Variants in NEGR1 observed in about 807,000 individuals in gnomAD.
NEGR1 encodes the protein neuronal growth regulator 1, also known as IgLON family member 4.
Under a neutral mutation model 40.9 loss-of-function variants are expected in NEGR1, and 10 were observed. The observed-to-expected ratio is 0.24, with a 90% CI of 0.15 to 0.42. The LOEUF (loss-of-function observed/expected upper bound fraction) is 0.42, where lower values mean the gene tolerates loss of function less well. NEGR1 is among the 10% of genes least tolerant of loss of function. The pLI is 1.00. For missense variants in NEGR1, 352 were observed against 438.9 expected, an observed-to-expected ratio of 0.80 and a Z score of 1.77; for synonymous variants, 185 against 166.8, an observed-to-expected ratio of 1.11 and a Z score of -0.84.
At chr1:71,797,701 CT>C (rs1007555697) in intron 2 of NEGR1, among the ~76,000 whole-genome samples, 1 of 151,888 alleles carries the variant, frequency 6.6e-6, no homozygotes, top group Non-Finnish European at 1.5e-5. Context: ...TTCCTGTTTT[CT>C]TTTTTTAAGT....
intron 1 of NEGR1, among the ~76,000 whole-genome samples, chr1:72,233,409 T>C (rs1034198913): frequency 6.6e-6 from 1 of 152,166 alleles, no homozygotes; most frequent in Non-Finnish European, 1.5e-5. Flanking sequence ...GTAGTGAGCA[T>C]AGTACACAAT....
At chr1:71,745,667 C>G (rs12094519) in intron 3 of NEGR1, among the ~76,000 whole-genome samples, 2,982 of 152,246 alleles carry the variant, frequency 0.02, 79 homozygotes, top group African/African-American at 0.068. Context: ...AAAACAATAA[C>G]TCAAAGTGAA....
At chr1:71,630,814 A>G (rs1650947612) in intron 4 of NEGR1, among the ~76,000 whole-genome samples, 1 of 151,966 alleles carries the variant, frequency 6.6e-6, no homozygotes, top group South Asian at 2.1e-4. Context: ...ATTTAGCTAT[A>G]GAAAATATGC....
At chr1:72,001,123 AT>A (rs1231716724) in intron 1 of NEGR1, among the ~76,000 whole-genome samples, 1 of 152,130 alleles carries the variant, frequency 6.6e-6, no homozygotes, top group African/African-American at 2.4e-5. Flanking sequence ...GTTACCAGAA[AT>A]TCGTGATTTA....
chr1:71,437,994 G>C (rs995619015), intron 6 of NEGR1, among the ~76,000 whole-genome samples: 11 of 152,142 alleles, frequency 7.2e-5, no homozygotes, highest in African/African-American at 2.7e-4. Context: ...TTCTCACAGG[G>C]GCTGCATGGT....
intron 4 of NEGR1, among the ~76,000 whole-genome samples, chr1:71,695,632 C>T (rs1032000347): frequency 8.6e-5 from 13 of 151,726 alleles, no homozygotes; most frequent in Admixed American, 1.3e-4. Context: ...TTTGTTAGCC[C>T]GACAGAATGT....
At chr1:72,056,594 AAC>A (rs1647112935) in intron 1 of NEGR1, among the ~76,000 whole-genome samples, 1 of 151,428 alleles carries the variant, frequency 6.6e-6, no homozygotes. Flanking sequence ...TATGAATATC[AAC>A]AGATTCGCAC....
chr1:71,566,779 C>T (rs1648632383), intron 6 of NEGR1, among the ~76,000 whole-genome samples: 1 of 152,064 alleles, frequency 6.6e-6, no homozygotes, highest in African/African-American at 2.4e-5. Context: ...GACTGGGTGG[C>T]TTATAAATAA....
chr1:71,822,505 C>T (rs1195268606), intron 2 of NEGR1, among the ~76,000 whole-genome samples: 1 of 151,922 alleles, frequency 6.6e-6, no homozygotes, highest in Non-Finnish European at 1.5e-5. Flanking sequence ...ACGGCATCAG[C>T]TCCCACTTGT....
chr1:71,800,461 T>G (rs1231758508), intron 2 of NEGR1, among the ~76,000 whole-genome samples: 1 of 152,192 alleles, frequency 6.6e-6, no homozygotes, highest in African/African-American at 2.4e-5. Context: ...GGTTTTCCTC[T>G]AGGGTTTGTA....
At chr1:71,941,621 A>T (rs1329926215) in intron 1 of NEGR1, among the ~76,000 whole-genome samples, 1 of 152,150 alleles carries the variant, frequency 6.6e-6, no homozygotes. Context: ...AACTTCAATT[A>T]TTTAATGAAG....
At chr1:72,004,407 A>G (rs1266788073) in intron 1 of NEGR1, among the ~76,000 whole-genome samples, 2 of 152,054 alleles carry the variant, frequency 1.3e-5, no homozygotes, top group Admixed American at 1.3e-4. Context: ...CCCGGGTTCA[A>G]ACTTCAGCCT....
intron 2 of NEGR1, among the ~76,000 whole-genome samples, chr1:71,814,082 T>C (rs1259254778): frequency 6.6e-6 from 1 of 152,160 alleles, no homozygotes; most frequent in Admixed American, 6.6e-5. Flanking sequence ...AAATGGCTCT[T>C]AATATTTTGA....
chr1:72,000,383 A>G (rs1646546823), intron 1 of NEGR1, among the ~76,000 whole-genome samples: 1 of 152,076 alleles, frequency 6.6e-6, no homozygotes, highest in Non-Finnish European at 1.5e-5. Context: ...TATCTGTAAA[A>G]TACTCATTTT....
intron 2 of NEGR1, among the ~76,000 whole-genome samples, chr1:71,924,570 G>A (rs973733234): frequency 6.6e-6 from 1 of 152,138 alleles, no homozygotes; most frequent in East Asian, 1.9e-4. Context: ...AAAAGAATGA[G>A]CAAAATCCTC....
At chr1:72,045,293 T>C (rs1646990873) in intron 1 of NEGR1, among the ~76,000 whole-genome samples, 1 of 151,790 alleles carries the variant, frequency 6.6e-6, no homozygotes, top group Non-Finnish European at 1.5e-5. Context: ...AATCATCAAT[T>C]GGAAACTAGA....
At chr1:71,548,620 A>T (rs1156430439) in intron 6 of NEGR1, among the ~76,000 whole-genome samples, 1 of 151,690 alleles carries the variant, frequency 6.6e-6, no homozygotes, top group African/African-American at 2.4e-5. Flanking sequence ...TAGTGATGGC[A>T]ACGTTTCATC....
intron 6 of NEGR1, among the ~76,000 whole-genome samples, chr1:71,572,511 G>A (rs758076358): frequency 6.6e-6 from 1 of 152,160 alleles, no homozygotes; most frequent in Non-Finnish European, 1.5e-5. Flanking sequence ...ATTGAGAAAA[G>A]CAAAGCATCT....
intron 4 of NEGR1, among the ~76,000 whole-genome samples, chr1:71,628,921 T>C (rs1481006232): frequency 6.6e-6 from 1 of 152,132 alleles, no homozygotes; most frequent in African/African-American, 2.4e-5. Flanking sequence ...ATCATTTGGG[T>C]ATACACCTAG....
Sources: gnomAD v4.1 joint callset for allele counts (sites outside exome capture counted in the v4.1 genomes callset) on GRCh38, gnomAD v4.1.1 for gene constraint, MANE v1.5 for transcripts, NCBI Gene and HGNC (gene_info 2026-07-23, HGNC 2026-07-21) for gene names.